The following ARHGAP24 variants were observed in gnomAD, a reference collection of about 807,000 sequenced individuals.
The protein encoded by ARHGAP24 is Rho GTPase activating protein 24.
ARHGAP24 carries 50 observed loss-of-function variants against 76.4 expected under a neutral mutation model. That is an observed-to-expected ratio of 0.65 (90% CI 0.52 to 0.83). The LOEUF is 0.83. ARHGAP24 is among the 40% of genes least tolerant of loss of function. The probability of loss-of-function intolerance (pLI) is 0.00; values close to 1 mark genes in which losing one functional copy is unlikely to be tolerated. For missense variants in ARHGAP24, 930 were observed against 914.2 expected, an observed-to-expected ratio of 1.02 and a Z score of -0.22; for synonymous variants, 345 against 323.3, an observed-to-expected ratio of 1.07 and a Z score of -0.72.
At chr4:85,520,060 T>A (rs1724677348) in intron 1 of ARHGAP24, among the ~76,000 whole-genome samples, 1 of 152,098 alleles carries the variant, frequency 6.6e-6, no homozygotes, top group Non-Finnish European at 1.5e-5. Context: ...GTACACCTTT[T>A]AAAAAAATAA....
chr4:85,804,715 T>C (rs1728719785), intron 3 of ARHGAP24, among the ~76,000 whole-genome samples: 1 of 152,230 alleles, frequency 6.6e-6, no homozygotes. Context: ...GCTTTATATT[T>C]TTCAAAATAT....
intron 5 of ARHGAP24, among the ~76,000 whole-genome samples, chr4:85,943,672 A>G (rs1435669514): frequency 6.6e-6 from 1 of 151,810 alleles, no homozygotes; most frequent in Admixed American, 6.6e-5. Context: ...ATGTATTCTC[A>G]TTGTGCAACT....
intron 3 of ARHGAP24, among the ~76,000 whole-genome samples, chr4:85,869,215 T>C (rs1010988646): frequency 6.6e-6 from 1 of 152,142 alleles, no homozygotes; most frequent in African/African-American, 2.4e-5. Context: ...GAAGCGCAGA[T>C]GTAGATTAAC....
chr4:85,662,886 TA>T (rs1722461528), intron 2 of ARHGAP24, among the ~76,000 whole-genome samples: 1 of 152,118 alleles, frequency 6.6e-6, no homozygotes, highest in Non-Finnish European at 1.5e-5. Context: ...TACCTCTGTT[TA>T]GGTACCAGTA....
chr4:85,979,417 C>T (rs749407487), intron 8 of ARHGAP24, among the ~76,000 whole-genome samples: 9 of 151,998 alleles, frequency 5.9e-5, no homozygotes, highest in Non-Finnish European at 1.0e-4. Context: ...CAGCCATCAC[C>T]GCCATCCATC....
At chr4:85,583,021 C>T (rs952137670) in intron 2 of ARHGAP24, among the ~76,000 whole-genome samples, 6 of 152,072 alleles carry the variant, frequency 3.9e-5, no homozygotes, top group Non-Finnish European at 7.4e-5. Context: ...CATTATGTTG[C>T]ATTCCACACA....
chr4:85,808,160 T>C (rs1354389588), intron 3 of ARHGAP24, among the ~76,000 whole-genome samples: 1 of 152,202 alleles, frequency 6.6e-6, no homozygotes, highest in East Asian at 1.9e-4. Context: ...ATATGCTTTT[T>C]ATTTCATTGT....
intron 3 of ARHGAP24, 44 bp from the exon 4 acceptor site, chr4:85,923,604 T>A: frequency 6.2e-7 from 1 of 1,612,294 alleles, no homozygotes; most frequent in Admixed American, 1.7e-5. Context: ...TCATGAGGAA[T>A]CTCTGGATGC....
chr4:85,602,027 C>T (rs1272991366), intron 2 of ARHGAP24, among the ~76,000 whole-genome samples: 1 of 85,158 alleles, frequency 1.2e-5, no homozygotes, highest in Non-Finnish European at 2.3e-5. Flanking sequence ...GATTAGTGAA[C>T]AGCCCACAAA....
chr4:85,894,989 CAAAACAAAAAGCAAAAAAAAAAA>C lies in ARHGAP24; in HGVS notation c.269-28654_269-28632del, dbSNP rs1734079482. On this transcript the variant is annotated intron_variant, in intron 3 of 9. Transcript: ENST00000395184. ...AAAAAAAAAAAAAAAAAAAAAAAAA[CAAAACAAAAAGCAAAAAAAAAAA>C]AAAAAAAAAGAAAAGAAAAGCAGGA... Among the ~76,000 whole-genome samples, 10 of 17,214 alleles carry C rather than the reference CAAAACAAAAAGCAAAAAAAAAAA, an allele frequency of 5.8e-4. 2 individuals are homozygous for C. Among genetic ancestry groups the C allele is most frequent in the Admixed American group, 2.1e-3 (3 of 1,422 alleles). The allele number at this position is 17,214 out of a possible 152,430, so 11.3% of individuals were successfully genotyped here. A position where few individuals can be genotyped will look rare whatever the true frequency, so the allele number is the denominator to read the frequency against.
intron 3 of ARHGAP24, among the ~76,000 whole-genome samples, chr4:85,841,539 T>C (rs933052755): frequency 2.0e-5 from 3 of 152,268 alleles, no homozygotes; most frequent in African/African-American, 4.8e-5. Context: ...TTAGAGATTA[T>C]TGTTATCATT....
chr4:85,963,232 A>G (rs754767448), intron 5 of ARHGAP24, among the ~76,000 whole-genome samples: 1 of 152,054 alleles, frequency 6.6e-6, no homozygotes, highest in Admixed American at 6.6e-5. Flanking sequence ...GAGAAAGTTA[A>G]TGGGTTTTTT....
intron 2 of ARHGAP24, among the ~76,000 whole-genome samples, chr4:85,697,350 C>T (rs1315417121): frequency 6.6e-6 from 1 of 152,044 alleles, no homozygotes; most frequent in Non-Finnish European, 1.5e-5. Context: ...CATGTCCCCA[C>T]AAAGGACATG....
At chr4:85,836,778 C>T (rs565815169) in intron 3 of ARHGAP24, among the ~76,000 whole-genome samples, 4 of 152,278 alleles carry the variant, frequency 2.6e-5, no homozygotes, top group East Asian at 1.9e-4. Flanking sequence ...CCATGCTATT[C>T]GAAGTGTGGT....
chr4:85,606,729 C>A (rs952406440), intron 2 of ARHGAP24, among the ~76,000 whole-genome samples: 2 of 152,034 alleles, frequency 1.3e-5, no homozygotes, highest in Non-Finnish European at 2.9e-5. Flanking sequence ...CAGGGATAGA[C>A]CAGTGAACAA....
chr4:85,895,538 A>T (rs1734127930), intron 3 of ARHGAP24, among the ~76,000 whole-genome samples: 1 of 152,188 alleles, frequency 6.6e-6, no homozygotes, highest in African/African-American at 2.4e-5. Flanking sequence ...GAGGAAAAAA[A>T]TATCTTTTGG....
In ARHGAP24 at chr4:85,994,785, C is replaced by A. The variant is rs750050043; in HGVS notation, c.1131C>A (p.Asp377Glu). Residue 377 changes from aspartate to glutamate, a missense_variant, in exon 9 of 10, where the codon GAC becomes GAA. Physicochemically the swap from Asp to Glu is conservative, Grantham distance 45. Transcript: ENST00000395184. ...GCCCTAGTAGGCAGTGCTCCTGGGACAAGTCTGAGTCACCCCAGAGAAGCA... is the reference window on the plus strand; with the variant it reads ...GCCCTAGTAGGCAGTGCTCCTGGGAAAAGTCTGAGTCACCCCAGAGAAGCA... ...KDSPSRQCSW[D>E]KSESPQRSSM... is the part of the protein sequence containing the mutation. The A allele has an allele frequency of 6.2e-7, 1 of 1,614,108 alleles. No individual in the cohort carries two copies. The highest frequency in any genetic ancestry group is 2.2e-5 in the East Asian group (1 of 44,862).
chr4:85,594,280 T>C (rs1385391445), intron 2 of ARHGAP24, among the ~76,000 whole-genome samples: 2 of 152,124 alleles, frequency 1.3e-5, no homozygotes, highest in Non-Finnish European at 2.9e-5. Context: ...GAAACAGAAC[T>C]GATTTTTGTT....
chr4:85,772,094 A>T (rs1416343116), intron 3 of ARHGAP24, among the ~76,000 whole-genome samples: 1 of 152,192 alleles, frequency 6.6e-6, no homozygotes, highest in East Asian at 1.9e-4. Flanking sequence ...TCTGGCCTTT[A>T]TTATTGACTA....
Sources: allele counts gnomAD v4.1 joint callset (sites outside exome capture counted in the v4.1 genomes callset), GRCh38; gene constraint gnomAD v4.1.1; transcripts MANE v1.5; gene names NCBI Gene and HGNC (gene_info 2026-07-23, HGNC 2026-07-21).